ZNF90: variants seen among roughly 807,000 people sequenced by gnomAD.
ZNF90 encodes the protein zinc finger protein HTF9.
Under a neutral mutation model 12.0 loss-of-function variants are expected in ZNF90, and 11 were observed. The ratio of observed to expected loss-of-function variants is 0.92; its 90% CI spans 0.58 to 1.52. ZNF90 has a LOEUF of 1.52. Ranked by LOEUF, ZNF90 falls within the 40% of genes most tolerant of loss-of-function variation. The probability of loss-of-function intolerance (pLI) is 0.00; values close to 1 mark genes in which losing one functional copy is unlikely to be tolerated. For missense variants in ZNF90, 765 were observed against 711.5 expected (o/e 1.08, Z -0.86); for synonymous variants, 232 against 240.1 (o/e 0.97, Z 0.31).
intron 3 of ZNF90, among the ~76,000 whole-genome samples, chr19:20,110,694 G>T (rs1445934496): frequency 1.3e-5 from 2 of 152,070 alleles, no homozygotes; most frequent in African/African-American, 4.8e-5. Flanking sequence ...CAAGAGATTC[G>T]ATGTTTTCTA....
At chr19:20,086,281 C>A (rs2088859242) in intron 1 of ZNF90, among the ~76,000 whole-genome samples, 1 of 132,458 alleles carries the variant, frequency 7.5e-6, no homozygotes, top group African/African-American at 2.9e-5. Flanking sequence ...CTTGCCCAGG[C>A]TGGAGTTCAG....
intron 3 of ZNF90, among the ~76,000 whole-genome samples, chr19:20,106,137 A>C (rs368028084): frequency 7.2e-6 from 1 of 138,230 alleles, no homozygotes. Flanking sequence ...AGTAAATAAG[A>C]TTTTTTCTTT....
chr19:20,113,335 C>T (rs893295658), intron 3 of ZNF90, among the ~76,000 whole-genome samples: 1 of 151,856 alleles, frequency 6.6e-6, no homozygotes, highest in East Asian at 2.0e-4. Context: ...GGATTACATT[C>T]GTGCACTACA....
At position 20,117,768 on chromosome 19, in the gene ZNF90, T is replaced by C. The variant is rs1555705846; in HGVS notation, c.227-13T>C. The stretch of plus-strand genomic sequence containing the variant: ...TAGCAATTGAAGTAATGTGTTCTTA[T>C]TGTTTCTTTCAGTTATGTGTTTTCA... On this transcript the variant is annotated splice_polypyrimidine_tract_variant and intron_variant, in intron 3 of 3. Coordinates refer to ENST00000418063, the MANE Select transcript of ZNF90 (RefSeq NM_007138.2). The C allele has an allele frequency of 2.7e-6, 4 of 1,489,172 alleles. No individual in the cohort carries two copies. Among genetic ancestry groups the C allele is most frequent in the Non-Finnish European group, 8.9e-7 (1 of 1,123,478 alleles). The allele number at this position is 1,489,172 out of a possible 1,614,324, so 92.2% of individuals were successfully genotyped here. A position where few individuals can be genotyped will look rare whatever the true frequency, so the allele number is the denominator to read the frequency against.
chr19:20,090,040 C>T (rs1007699576), intron 1 of ZNF90, among the ~76,000 whole-genome samples: 13 of 152,118 alleles, frequency 8.5e-5, no homozygotes, highest in African/African-American at 1.2e-4. Flanking sequence ...GGTGCCCTGC[C>T]AGCAAAGATC....
chr19:20,104,052 GCT>G (rs1254964560), intron 1 of ZNF90, among the ~76,000 whole-genome samples, 185 bp from the exon 2 acceptor site: 1 of 151,978 alleles, frequency 6.6e-6, no homozygotes, highest in Non-Finnish European at 1.5e-5. Flanking sequence ...ATCCTATTCT[GCT>G]CTTTTTTCTC....
chr19:20,104,102 G>C, intron 1 of ZNF90, 137 bp from the exon 2 acceptor site: 4 of 1,298,192 alleles, frequency 3.1e-6, no homozygotes, highest in Non-Finnish European at 3.1e-6. Context: ...GTTGGAAATT[G>C]TTTTATTGGA....
rs538083446 is a variant in ZNF90 at position 20,085,421 on chromosome 19, G to C, written c.3+7286G>C. Among the ~76,000 whole-genome samples, 4 of 152,014 alleles carry C rather than the reference G, an allele frequency of 2.6e-5. No homozygotes were observed. The East Asian group carries it at 7.7e-4, about 29-fold the overall frequency. On this transcript the variant is annotated intron_variant, in intron 1 of 3. Coordinates refer to ENST00000418063, the MANE Select transcript of ZNF90 (RefSeq NM_007138.2). ...ACTACAGGTGCCTGCCACCGCGCCC[G>C]GCTAATTTTTTTGTATTTTTAGTAG...
rs368871975 is a variant in ZNF90 at position 20,118,897 on chromosome 19, G to C, written c.1343G>C (p.Ser448Thr). 1.4e-4 allele frequency: 222 copies of C among 1,601,034 alleles called. No homozygotes were observed. The African/African-American group carries it at 2.7e-3, about 20-fold the overall frequency. Residue 448 changes from serine to threonine, a missense_variant, in exon 4 of 4, where the codon AGT (serine) becomes ACT (threonine). Coordinates refer to ENST00000418063, the MANE Select transcript of ZNF90 (RefSeq NM_007138.2). ...CTTAGCACACATAAGATAATTCATA[G>C]TGGAGAGAAACCCTACAAATGTGAA... ...SALSTHKIIH[S>T]GEKPYKCEEC...
Position 20,104,344 on chromosome 19 carries a change from T to A in ZNF90, c.109T>A (p.Tyr37Asn), listed in dbSNP as rs782582504. The change falls in exon 2 of 4, where the codon TAC (tyrosine) becomes AAC (asparagine). Residue 37 changes from tyrosine to asparagine, a missense_variant. Physicochemically the swap from Tyr to Asn is moderately radical, Grantham distance 143. Transcript: ENST00000418063. ...ATATAGGGATGTGATGTTAGAGAAC[T>A]ACAGACACCTGGTCTTCCTTGGTGA... ...NLYRDVMLEN[Y>N]RHLVFLGIVV... The A allele has an allele frequency of 1.2e-6, 2 of 1,613,776 alleles. No homozygotes were observed. Among genetic ancestry groups the A allele is most frequent in the Non-Finnish European group, 1.7e-6 (2 of 1,179,898 alleles).
At chr19:20,094,739 C>CT (rs1555703067) in intron 1 of ZNF90, among the ~76,000 whole-genome samples, 1 of 151,902 alleles carries the variant, frequency 6.6e-6, no homozygotes, top group African/African-American at 2.4e-5. Context: ...ATTTAAGTCA[C>CT]TCCAGGTTAA....
At chr19:20,086,898 G>A (rs924609979) in intron 1 of ZNF90, 3 of 152,142 alleles carry the variant, frequency 2.0e-5, no homozygotes, top group Non-Finnish European at 4.4e-5. Context: ...GCTATTACAG[G>A]ACAAATAAAG....
chr19:20,082,370 C>G (rs1193138461), intron 1 of ZNF90, among the ~76,000 whole-genome samples: 2 of 152,148 alleles, frequency 1.3e-5, no homozygotes, highest in Non-Finnish European at 2.9e-5. Context: ...CAGACTGTTA[C>G]TGTGTCTATG....
chr19:20,089,939 A>T (rs1599641984), intron 1 of ZNF90, among the ~76,000 whole-genome samples: 1 of 152,070 alleles, frequency 6.6e-6, no homozygotes, highest in African/African-American at 2.4e-5. Flanking sequence ...ATAGCTGGGG[A>T]GAGGTAGAGG....
chr19:20,117,497 G>T (rs538017482), intron 3 of ZNF90: 2 of 549,522 alleles, frequency 3.6e-6, no homozygotes, highest in Admixed American at 6.7e-5. Flanking sequence ...GAGTGCAGTG[G>T]TGTGATCTTG....
intron 1 of ZNF90, among the ~76,000 whole-genome samples, chr19:20,095,777 G>A (rs1295407089): frequency 1.3e-5 from 2 of 152,038 alleles, no homozygotes; most frequent in Non-Finnish European, 2.9e-5. Context: ...AAGGAGAAGG[G>A]GTTGAGGGGT....
chr19:20,119,637 T>TTC lies in ZNF90; in HGVS notation c.*277_*278insTC, dbSNP rs2089179088. The TTC allele has an allele frequency of 3.7e-6, 1 of 273,758 alleles. No individual in the cohort carries two copies. The highest frequency in any genetic ancestry group is 5.9e-5 in the South Asian group (1 of 16,866). 17.0% of individuals were successfully genotyped at this position (273,758 alleles called of 1,614,324 possible). A position where few individuals can be genotyped will look rare whatever the true frequency, so the allele number is the denominator to read the frequency against. Reference sequence around the variant, plus strand: ...GTTCTCAATTCTTTTTTTTTTTTTTTAAGAAGGAGTTTCATGCTTCTCACC... The same window carrying TTC: ...GTTCTCAATTCTTTTTTTTTTTTTTTTCAAGAAGGAGTTTCATGCTTCTCACC... On this transcript the variant is annotated 3_prime_UTR_variant, in exon 4 of 4. Transcript: ENST00000418063.
intron 3 of ZNF90, among the ~76,000 whole-genome samples, chr19:20,106,300 C>A (rs547191077): frequency 2.6e-5 from 4 of 151,980 alleles, no homozygotes; most frequent in East Asian, 1.9e-4. Flanking sequence ...GAAACAGCAA[C>A]TTTTTACTTA....
rs782663855 is a variant in ZNF90 at position 20,118,010 on chromosome 19, A to G, written c.456A>G (p.Lys152=). ...TATTTCAATGTGATACATATGTGAA[A>G]GTCTCTCATATATTTTCAAATTCAA... is the stretch of plus-strand genomic sequence containing the variant. ...SKVFQCDTYV[K]VSHIFSNSNR... is the part of the protein sequence containing the mutation. Residue 152 remains lysine (K), a synonymous_variant, in exon 4 of 4, where the codon AAA becomes AAG. Transcript: ENST00000418063. 4 of 1,612,508 alleles carry G rather than the reference A, an allele frequency of 2.5e-6. No individual in the cohort carries two copies. Among genetic ancestry groups the G allele is most frequent in the Non-Finnish European group, 3.4e-6 (4 of 1,179,232 alleles).
Sources: allele counts gnomAD v4.1 joint callset (sites outside exome capture counted in the v4.1 genomes callset), GRCh38; gene constraint gnomAD v4.1.1; transcripts MANE v1.5; gene names NCBI Gene and HGNC (gene_info 2026-07-23, HGNC 2026-07-21).